The following TMEM132B variants were observed in gnomAD, a reference collection of about 807,000 sequenced individuals.
TMEM132B encodes transmembrane protein 132B.
Under a neutral mutation model 90.8 loss-of-function variants are expected in TMEM132B, and 18 were observed. That is an observed-to-expected ratio of 0.20 (90% CI 0.14 to 0.29). The LOEUF is 0.29. Ranked by LOEUF, TMEM132B falls within the 10% of genes least tolerant of loss-of-function variation. The pLI is 1.00. For missense variants in TMEM132B, 1,096 were observed against 1,326.8 expected, an observed-to-expected ratio of 0.83 and a Z score of 2.70; for synonymous variants, 504 against 523.3, an observed-to-expected ratio of 0.96 and a Z score of 0.50.
chr12:125,609,682 TG>T (rs1885777863), intron 5 of TMEM132B, among the ~76,000 whole-genome samples: 2 of 151,522 alleles, frequency 1.3e-5, no homozygotes, highest in Non-Finnish European at 2.9e-5. Context: ...CCGGGCGTGG[TG>T]GCGGGCGCCT....
rs200123439 is a variant in TMEM132B at position 125,318,315 on chromosome 12, TTTC to T, written c.68-31134_68-31132del. ...GTGTTTGCAGTGACCTGTTTCTTTC[TTTC>T]TTTTTTTTTTTTCAAACAGAGCTTT... On this transcript the variant is annotated intron_variant, in intron 1 of 8. Transcript: ENST00000682704. Among the ~76,000 whole-genome samples the T allele has an allele frequency of 1.2e-3, 178 of 149,870 alleles. 1 individual carries two copies. In the East Asian group the frequency reaches 0.014, roughly 12 times the overall value.
At chr12:125,635,167 T>C (rs1312278267) in intron 5 of TMEM132B, among the ~76,000 whole-genome samples, 1 of 152,228 alleles carries the variant, frequency 6.6e-6, no homozygotes, top group African/African-American at 2.4e-5. Context: ...ATTTATACTT[T>C]AAACTCTGGG....
intron 2 of TMEM132B, among the ~76,000 whole-genome samples, chr12:125,387,544 T>G (rs1290725114): frequency 6.6e-6 from 1 of 152,204 alleles, no homozygotes; most frequent in Admixed American, 6.5e-5. Flanking sequence ...CTTCCCTCCT[T>G]CTGTAGGTTG....
intron 1 of TMEM132B, among the ~76,000 whole-genome samples, chr12:125,207,676 A>G (rs566562611): frequency 2.0e-5 from 3 of 152,318 alleles, no homozygotes; most frequent in African/African-American, 7.2e-5. Flanking sequence ...GCCGCCATCC[A>G]TCTCTGGAAC....
At chr12:125,388,297 T>C (rs534393336) in intron 2 of TMEM132B, among the ~76,000 whole-genome samples, 16 of 152,112 alleles carry the variant, frequency 1.1e-4, no homozygotes, top group African/African-American at 3.9e-4. Context: ...GGCGTGGTGG[T>C]GCACGTCTGT....
intron 1 of TMEM132B, among the ~76,000 whole-genome samples, chr12:125,283,795 C>T (rs1472679938): frequency 2.6e-5 from 4 of 152,232 alleles, no homozygotes; most frequent in African/African-American, 9.6e-5. Flanking sequence ...GTTGGTCTGT[C>T]TGCCACTCCC....
At position 125,336,668 on chromosome 12, in the gene TMEM132B, C is replaced by T. The variant is rs191114946; in HGVS notation, c.68-12784C>T. Reference sequence around the variant, plus strand: ...CATGCAGTTGCACGATAACAAGTCACGCCACTGGGTTACCTCATGGTGTGT... The same window carrying T: ...CATGCAGTTGCACGATAACAAGTCATGCCACTGGGTTACCTCATGGTGTGT... On this transcript the variant is annotated intron_variant, in intron 1 of 8. Transcript: ENST00000682704. Among the ~76,000 whole-genome samples the T allele has an allele frequency of 1.2e-4, 19 of 152,352 alleles. No individual in the cohort carries two copies. The East Asian group carries it at 1.5e-3, about 12-fold the overall frequency.
At position 125,220,522 on chromosome 12, in the gene TMEM132B, C is replaced by T. The variant is rs542911148; in HGVS notation, c.67+33656C>T. ...GATTTGATCTGGGCATCCTGCCAGC[C>T]TTGGAGAAAGTGACGATAGCGATTC... On this transcript the variant is annotated intron_variant, in intron 1 of 8. Transcript: ENST00000682704. 5.3e-4 allele frequency among the ~76,000 whole-genome samples: 80 copies of T among 152,348 alleles called. No individual in the cohort carries two copies. In the Middle Eastern group the frequency reaches 0.014, roughly 26 times the overall value.
intron 5 of TMEM132B, among the ~76,000 whole-genome samples, chr12:125,636,247 T>A (rs1886476054): frequency 6.6e-6 from 1 of 152,148 alleles, no homozygotes; most frequent in Non-Finnish European, 1.5e-5. Flanking sequence ...TTCCCCGGGT[T>A]TGATTGCTAT....
chr12:125,394,448 A>C (rs919475229), intron 2 of TMEM132B, among the ~76,000 whole-genome samples: 1 of 152,322 alleles, frequency 6.6e-6, no homozygotes, highest in East Asian at 1.9e-4. Flanking sequence ...GGATGATGGC[A>C]GTGACATGGA....
chr12:125,325,098 T>C (rs998118582), intron 1 of TMEM132B, among the ~76,000 whole-genome samples: 1 of 152,116 alleles, frequency 6.6e-6, no homozygotes, highest in Non-Finnish European at 1.5e-5. Context: ...ACCAGTTCCA[T>C]TGTGTTTACA....
rs575766384 is a variant in TMEM132B, at chr12:125,608,706, T to C, written c.1437+24712T>C. 5.3e-5 allele frequency among the ~76,000 whole-genome samples: 8 copies of C among 152,350 alleles called. No homozygotes were observed. In the South Asian group the frequency reaches 1.7e-3, roughly 32 times the overall value. Reference sequence around the variant, plus strand: ...TAATATTGTATAGTTTTAGCTCTTATATTTAGATCTTTAATCATTTAGAAT... The same window carrying C: ...TAATATTGTATAGTTTTAGCTCTTACATTTAGATCTTTAATCATTTAGAAT... On this transcript the variant is annotated intron_variant, in intron 5 of 8. Transcript: ENST00000682704.
intron 2 of TMEM132B, among the ~76,000 whole-genome samples, chr12:125,362,017 C>T (rs1229158102): frequency 6.6e-6 from 1 of 152,206 alleles, no homozygotes; most frequent in Non-Finnish European, 1.5e-5. Flanking sequence ...GGCCTTAGCC[C>T]CTGCAGTCAT....
intron 2 of TMEM132B, among the ~76,000 whole-genome samples, chr12:125,414,620 CGCAGCATTAGTTT>C: frequency 6.6e-6 from 1 of 152,200 alleles, no homozygotes; most frequent in Non-Finnish European, 1.5e-5. Context: ...AGCATTAGTT[CGCAGCATTAGTTT>C]ACATCCCCAG....
intron 1 of TMEM132B, among the ~76,000 whole-genome samples, chr12:125,270,800 G>A (rs1400359410): frequency 1.3e-5 from 2 of 152,012 alleles, no homozygotes; most frequent in Non-Finnish European, 2.9e-5. Context: ...GGGGCGGGTA[G>A]GAGGTGCAGT....
chr12:125,342,895 T>C (rs1232117877), intron 1 of TMEM132B, among the ~76,000 whole-genome samples: 2 of 152,234 alleles, frequency 1.3e-5, no homozygotes, highest in Admixed American at 1.3e-4. Flanking sequence ...TTTATGTAGT[T>C]GAGAAAAGTG....
intron 2 of TMEM132B, among the ~76,000 whole-genome samples, chr12:125,395,099 A>C (rs560039269): frequency 6.6e-6 from 1 of 152,326 alleles, no homozygotes; most frequent in South Asian, 2.1e-4. Flanking sequence ...GTATATGTGC[A>C]TGTGTGTGCC....
intron 4 of TMEM132B, among the ~76,000 whole-genome samples, chr12:125,524,784 GA>G (rs1377288799): frequency 6.6e-6 from 1 of 152,182 alleles, no homozygotes; most frequent in Non-Finnish European, 1.5e-5. Context: ...TGGAGAAAAG[GA>G]GGAGGAAAGG....
At chr12:125,316,504 G>A (rs1041903833) in intron 1 of TMEM132B, among the ~76,000 whole-genome samples, 4 of 152,152 alleles carry the variant, frequency 2.6e-5, no homozygotes, top group Admixed American at 2.0e-4. Flanking sequence ...AATTTTAAAT[G>A]TAGAGAAAAG....
Sources: gnomAD v4.1 joint callset for allele counts (sites outside exome capture counted in the v4.1 genomes callset) on GRCh38, gnomAD v4.1.1 for gene constraint, MANE v1.5 for transcripts, NCBI Gene and HGNC (gene_info 2026-07-23, HGNC 2026-07-21) for gene names.